The following TPP2 variants were observed in gnomAD, a reference collection of about 807,000 sequenced individuals.
TPP2 encodes the protein tripeptidyl-peptidase 2.
TPP2 carries 34 observed loss-of-function variants against 155.9 expected under a neutral mutation model. The ratio of observed to expected loss-of-function variants is 0.22; its 90% CI spans 0.17 to 0.29. The LOEUF (loss-of-function observed/expected upper bound fraction) is 0.29, where lower values mean the gene tolerates loss of function less well. TPP2 is among the 10% of genes least tolerant of loss of function. The pLI is 1.00. For missense variants in TPP2, 1,028 were observed against 1,522.3 expected (o/e 0.68, Z 5.40); for synonymous variants, 510 against 529.4 (o/e 0.96, Z 0.50).
chr13:102,644,412 T>A (rs1035734085), intron 17 of TPP2, 145 bp from the exon 18 acceptor site: 1 of 604,914 alleles, frequency 1.7e-6, no homozygotes, highest in African/African-American at 1.9e-5. Flanking sequence ...AACTCTTACT[T>A]AGCATAGCTG....
Position 102,648,955 on chromosome 13 carries a change from C to T in TPP2, c.2677C>T (p.Arg893Cys), listed in dbSNP as rs201933080. Residue 893 changes from arginine to cysteine, a missense_variant, in exon 22 of 30, where the codon CGC (arginine) becomes TGC (cysteine). By Grantham distance (180) the Arg-to-Cys change is radical. Coordinates refer to ENST00000376052, the MANE Select transcript of TPP2 (RefSeq NM_001330588.2). ...AGATTATACAATTCGACTACAGATT[C>T]GCCATGAGCAAATCAGTGATTTGGA... ...KGDYTIRLQI[R>C]HEQISDLERL... 12 of 1,612,284 alleles carry T rather than the reference C, an allele frequency of 7.4e-6. No individual in the cohort carries two copies. The highest frequency in any genetic ancestry group is 8.5e-6 in the Non-Finnish European group (10 of 1,179,518).
At chr13:102,636,474 G>A in intron 13 of TPP2, 82 bp downstream of exon 13, 4 of 1,466,886 alleles carry the variant, frequency 2.7e-6, no homozygotes, top group Non-Finnish European at 3.7e-6. Context: ...ATTGCTGTTT[G>A]GGCCAGTGTT....
chr13:102,617,397 G>C (rs73578862), intron 4 of TPP2, among the ~76,000 whole-genome samples: 1 of 152,160 alleles, frequency 6.6e-6, no homozygotes, highest in Non-Finnish European at 1.5e-5. Flanking sequence ...TAAGTCACCT[G>C]AATTATTTTA....
At chr13:102,630,896 C>T (rs1881969780) in intron 10 of TPP2, among the ~76,000 whole-genome samples, 1 of 152,088 alleles carries the variant, frequency 6.6e-6, no homozygotes, top group Non-Finnish European at 1.5e-5. Flanking sequence ...CAGCAAATAC[C>T]TTAGTGCCTA....
intron 24 of TPP2, chr13:102,654,911 G>A: frequency 2.1e-6 from 1 of 468,990 alleles, no homozygotes; most frequent in South Asian, 1.5e-5. Context: ...CCCAGAGAGT[G>A]AACCTCAAGA....
At chr13:102,621,167 G>A (rs1415292102) in intron 5 of TPP2, among the ~76,000 whole-genome samples, 1 of 152,190 alleles carries the variant, frequency 6.6e-6, no homozygotes, top group African/African-American at 2.4e-5. Flanking sequence ...TGATGTGTTG[G>A]TTGTATTGTT....
intron 5 of TPP2, among the ~76,000 whole-genome samples, chr13:102,621,779 G>A (rs1881186878): frequency 6.6e-6 from 1 of 152,160 alleles, no homozygotes; most frequent in African/African-American, 2.4e-5. Flanking sequence ...TGGGCTGGGG[G>A]AAGAACAGAG....
At chr13:102,642,102 G>T (rs1239914500) in intron 16 of TPP2, among the ~76,000 whole-genome samples, 1 of 152,170 alleles carries the variant, frequency 6.6e-6, no homozygotes, top group Non-Finnish European at 1.5e-5. Context: ...TAAATTTTCT[G>T]GACTTCTGTT....
At chr13:102,660,056 AGAAG>A (rs1884105363) in intron 25 of TPP2, among the ~76,000 whole-genome samples, 1 of 152,174 alleles carries the variant, frequency 6.6e-6, no homozygotes, top group African/African-American at 2.4e-5. Flanking sequence ...ATACTACTAC[AGAAG>A]GAAGGAGAGG....
intron 27 of TPP2, among the ~76,000 whole-genome samples, chr13:102,669,021 C>A (rs557907295): frequency 6.6e-6 from 1 of 152,254 alleles, no homozygotes; most frequent in East Asian, 1.9e-4. Flanking sequence ...CAAAGAGGAC[C>A]TGAGGGGGTG....
chr13:102,620,622 G>C (rs1444852916), intron 5 of TPP2, among the ~76,000 whole-genome samples: 1 of 152,092 alleles, frequency 6.6e-6, no homozygotes, highest in East Asian at 1.9e-4. Flanking sequence ...GTTTTGTTTT[G>C]TTTGATGACG....
chr13:102,650,401 T>C (rs1192041665), intron 23 of TPP2, among the ~76,000 whole-genome samples: 2 of 152,306 alleles, frequency 1.3e-5, no homozygotes, highest in East Asian at 1.9e-4. Flanking sequence ...TTTACTGTCA[T>C]TGAAGCATAA....
At chr13:102,605,024 G>T in intron 2 of TPP2, 103 bp downstream of exon 2, 1 of 1,505,518 alleles carries the variant, frequency 6.6e-7, no homozygotes, top group South Asian at 1.2e-5. Flanking sequence ...GTTATCCATT[G>T]CCACATATCA....
At chr13:102,604,306 C>T (rs1445044539) in intron 1 of TPP2, among the ~76,000 whole-genome samples, 1 of 152,160 alleles carries the variant, frequency 6.6e-6, no homozygotes, top group African/African-American at 2.4e-5. Context: ...CCTTGACCAG[C>T]CAAACTTATG....
chr13:102,602,831 C>T (rs1428875601), intron 1 of TPP2, among the ~76,000 whole-genome samples: 1 of 152,178 alleles, frequency 6.6e-6, no homozygotes, highest in Non-Finnish European at 1.5e-5. Flanking sequence ...GAAGACTGTG[C>T]TCTTCCACTT....
chr13:102,598,957 A>G (rs1031149031), intron 1 of TPP2, among the ~76,000 whole-genome samples: 4 of 152,200 alleles, frequency 2.6e-5, no homozygotes, highest in African/African-American at 7.2e-5. Context: ...TATAATTTCA[A>G]CTTTTATTTT....
At position 102,598,308 on chromosome 13, in the gene TPP2, C is replaced by T. The variant is rs141426912; in HGVS notation, c.165+1105C>T. On this transcript the variant is annotated intron_variant, in intron 1 of 29. Coordinates refer to ENST00000376052, the MANE Select transcript of TPP2 (RefSeq NM_001330588.2). Reference sequence around the variant, plus strand: ...CCTTTCTACACTAAACACTCATCCTCCTCCCCACAATGTCCCTTCCCTTCT... The same window carrying T: ...CCTTTCTACACTAAACACTCATCCTTCTCCCCACAATGTCCCTTCCCTTCT... 1.5e-4 allele frequency among the ~76,000 whole-genome samples: 23 copies of T among 152,268 alleles called. No homozygotes were observed. In the East Asian group the frequency reaches 4.2e-3, roughly 28 times the overall value.
rs1566326026 is a variant in TPP2 at position 102,616,378 on chromosome 13, ATT to A, written c.391-14_391-13del. 1 of 1,595,396 alleles carries A rather than the reference ATT, an allele frequency of 6.3e-7. No individual in the cohort carries two copies. The highest frequency in any genetic ancestry group is 1.4e-5 in the African/African-American group (1 of 73,932). On this transcript the variant is annotated splice_polypyrimidine_tract_variant and intron_variant, in intron 3 of 29. Transcript: ENST00000376052. ...TATTTGTCAGCCTAATTGTAAGGTA[ATT>A]TTTCTGTCTTTGCAGAAAGAACGGA... is the stretch of plus-strand genomic sequence containing the variant.
rs1948928847 is a variant in TPP2, at chr13:102,627,124, A to G, written c.897A>G (p.Thr299=). 2.5e-6 allele frequency: 4 copies of G among 1,602,632 alleles called. No individual in the cohort carries two copies. The Admixed American group carries it at 6.9e-5, about 27-fold the overall frequency. The change falls in exon 7 of 30, where the codon ACA becomes ACG. Residue 299 remains threonine (T), a synonymous_variant. Coordinates refer to ENST00000376052, the MANE Select transcript of TPP2 (RefSeq NM_001330588.2). ...TTCTTTCCATCAAGATTGGTGATAC[A>G]AGACTAAGCACAATGGAAACAGGCA... ...AQILSIKIGD[T]RLSTMETGTG...
Sources: allele counts gnomAD v4.1 joint callset (sites outside exome capture counted in the v4.1 genomes callset), GRCh38; gene constraint gnomAD v4.1.1; transcripts MANE v1.5; gene names NCBI Gene and HGNC (gene_info 2026-07-23, HGNC 2026-07-21).